CREB5: variants seen among roughly 807,000 people sequenced by gnomAD.
CREB5 encodes cAMP responsive element binding protein 5, also known as cyclic AMP-responsive element-binding protein 5.
Under a neutral mutation model 57.1 loss-of-function variants are expected in CREB5, and 19 were observed. The ratio of observed to expected loss-of-function variants is 0.33; its 90% CI spans 0.23 to 0.49. CREB5 has a LOEUF of 0.49. Among genes scored for constraint, CREB5 ranks in the 20% least tolerant of loss-of-function variants. The pLI, the probability that CREB5 is intolerant of heterozygous loss-of-function variation, is 0.99. For missense variants in CREB5, 579 were observed against 671.6 expected (o/e 0.86, Z 1.52); for synonymous variants, 238 against 238.3 (o/e 1.00, Z 0.01).
intron 1 of CREB5, among the ~76,000 whole-genome samples, chr7:28,321,404 G>T (rs1390810556): frequency 6.6e-6 from 1 of 152,088 alleles, no homozygotes; most frequent in Non-Finnish European, 1.5e-5. Context: ...AAATCAGGGG[G>T]AAAAAACATT....
At chr7:28,725,431 A>T (rs568531062) in intron 7 of CREB5, among the ~76,000 whole-genome samples, 1 of 152,316 alleles carries the variant, frequency 6.6e-6, no homozygotes, top group East Asian at 1.9e-4. Flanking sequence ...GGCAAATAAA[A>T]TCTGTGGTTG....
chr7:28,793,404 G>A (rs1002323419), intron 7 of CREB5, among the ~76,000 whole-genome samples: 2 of 152,180 alleles, frequency 1.3e-5, no homozygotes, highest in Admixed American at 6.5e-5. Context: ...TTGAGGCCCT[G>A]TTGGCCAGAA....
intron 1 of CREB5, among the ~76,000 whole-genome samples, chr7:28,324,324 G>A (rs1186810017): frequency 6.6e-6 from 1 of 151,994 alleles, no homozygotes; most frequent in Non-Finnish European, 1.5e-5. Context: ...CCTCACTTCA[G>A]TTCTCTGCTT....
At chr7:28,444,778 A>C (rs1472615882) in intron 1 of CREB5, among the ~76,000 whole-genome samples, 2 of 152,196 alleles carry the variant, frequency 1.3e-5, no homozygotes, top group Non-Finnish European at 2.9e-5. Flanking sequence ...GAGAAAATCC[A>C]ATTAGTGAAG....
chr7:28,518,965 C>T (rs1426944001), intron 4 of CREB5, among the ~76,000 whole-genome samples: 1 of 152,164 alleles, frequency 6.6e-6, no homozygotes, highest in Admixed American at 6.5e-5. Context: ...TAGAATACAT[C>T]AAGATCTGAA....
At chr7:28,301,148 A>G (rs1785092416) in intron 1 of CREB5, among the ~76,000 whole-genome samples, 1 of 152,216 alleles carries the variant, frequency 6.6e-6, no homozygotes, top group Admixed American at 6.5e-5. Context: ...AAGTTGCTCA[A>G]GCTTACTTTT....
intron 4 of CREB5, among the ~76,000 whole-genome samples, chr7:28,520,523 C>T (rs1224543721): frequency 2.6e-5 from 4 of 152,232 alleles, no homozygotes; most frequent in Non-Finnish European, 5.9e-5. Flanking sequence ...AATCCCCTTC[C>T]CAACGGCTGT....
chr7:28,384,111 C>T (rs192787765), intron 1 of CREB5, among the ~76,000 whole-genome samples: 14 of 152,160 alleles, frequency 9.2e-5, no homozygotes, highest in Admixed American at 8.5e-4. Flanking sequence ...CTTATTAGAT[C>T]GGATGAAATA....
At chr7:28,748,170 G>T (rs769857700) in intron 7 of CREB5, among the ~76,000 whole-genome samples, 8 of 152,218 alleles carry the variant, frequency 5.3e-5, no homozygotes, top group Non-Finnish European at 1.2e-4. Context: ...ACAGCATAGA[G>T]CTCATGTGTA....
chr7:28,673,894 A>AAACCTCC (rs1250584395), intron 5 of CREB5, among the ~76,000 whole-genome samples: 1 of 151,824 alleles, frequency 6.6e-6, no homozygotes, highest in Non-Finnish European at 1.5e-5. Flanking sequence ...GGCTGGTCTC[A>AAACCTCC]AACTCCTGGA....
intron 1 of CREB5, among the ~76,000 whole-genome samples, chr7:28,321,107 A>C (rs1191411870): frequency 6.6e-6 from 1 of 152,212 alleles, no homozygotes; most frequent in African/African-American, 2.4e-5. Flanking sequence ...GATTGTAGAG[A>C]GGATTAAACA....
intron 4 of CREB5, among the ~76,000 whole-genome samples, chr7:28,561,025 C>T (rs113544813): frequency 0.028 from 1,391 of 49,616 alleles, 228 homozygotes; most frequent in African/African-American, 0.08. Context: ...TGCGTGTGTG[C>T]GTGTGTGTGT....
chr7:28,467,243 G>A lies in CREB5; in HGVS notation c.4-20932G>A, dbSNP rs2128579874. On this transcript the variant is annotated intron_variant, in intron 1 of 10. Transcript: ENST00000357727. ...AGGAGAAGAGAATGGATCTGGAAGG[G>A]CAGAGGAAGAATTGCCTGCAGAAAG... 2.6e-5 allele frequency among the ~76,000 whole-genome samples: 4 copies of A among 152,292 alleles called. No homozygotes were observed. The South Asian group carries it at 8.3e-4, about 32-fold the overall frequency.
At chr7:28,601,169 AT>A (rs577879373) in intron 5 of CREB5, among the ~76,000 whole-genome samples, 5,542 of 144,762 alleles carry the variant, frequency 0.038, 351 homozygotes, top group African/African-American at 0.13. Context: ...TATTATTATT[AT>A]TTTTTTTTTT....
At chr7:28,522,397 T>G (rs1208160578) in intron 4 of CREB5, among the ~76,000 whole-genome samples, 11 of 148,864 alleles carry the variant, frequency 7.4e-5, no homozygotes, top group Admixed American at 3.4e-4. Flanking sequence ...TTTGTTTTTT[T>G]TTTTTTTTTT....
At chr7:28,534,840 A>C (rs1179319384) in intron 4 of CREB5, among the ~76,000 whole-genome samples, 1 of 141,850 alleles carries the variant, frequency 7.0e-6, no homozygotes, top group East Asian at 2.0e-4. Flanking sequence ...ACAGGCCCAG[A>C]GGGATAAAGT....
chr7:28,490,378 T>G (rs1043678433), intron 2 of CREB5, among the ~76,000 whole-genome samples: 3 of 152,214 alleles, frequency 2.0e-5, no homozygotes, highest in African/African-American at 7.2e-5. Flanking sequence ...GGGCATTTAA[T>G]GGAATGGGAC....
chr7:28,802,993 G>C (rs528973122), intron 7 of CREB5, among the ~76,000 whole-genome samples: 1 of 152,312 alleles, frequency 6.6e-6, no homozygotes, highest in East Asian at 1.9e-4. Context: ...TTGCACCACA[G>C]TATCAGAGTT....
intron 1 of CREB5, among the ~76,000 whole-genome samples, chr7:28,389,318 G>A (rs1787167931): frequency 6.6e-6 from 1 of 152,112 alleles, no homozygotes; most frequent in Non-Finnish European, 1.5e-5. Flanking sequence ...AAGAAAATAA[G>A]ATGGATTAGG....
Sources: allele counts gnomAD v4.1 joint callset (sites outside exome capture counted in the v4.1 genomes callset), GRCh38; gene constraint gnomAD v4.1.1; transcripts MANE v1.5; gene names NCBI Gene and HGNC (gene_info 2026-07-23, HGNC 2026-07-21).